The following ZNF683 variants were observed in gnomAD, a reference collection of about 807,000 sequenced individuals.
ZNF683 encodes tissue-resident T-cell transcription regulator protein ZNF683.
ZNF683 carries 20 observed loss-of-function variants against 31.4 expected under a neutral mutation model. The observed-to-expected ratio is 0.64, with a 90% CI of 0.45 to 0.93. The LOEUF (loss-of-function observed/expected upper bound fraction) is 0.93, where lower values mean the gene tolerates loss of function less well. Ranked by LOEUF, ZNF683 falls within the 40% of genes least tolerant of loss-of-function variation. ZNF683 has a pLI of 0.00. For synonymous variants in ZNF683, 264 were observed against 267.6 expected, an observed-to-expected ratio of 0.99 and a Z score of 0.13; for missense variants, 621 against 637.2, an observed-to-expected ratio of 0.97 and a Z score of 0.27.
rs142035628 is a variant in ZNF683, at chr1:26,372,726, T to C, written c.-72A>G. Reference sequence around the variant, plus strand: ...CTCTGGTCTGGGTCAAGGCATCTGCTCAGGTTCCTCAGTTAGAAGACCATG... The same window carrying C: ...CTCTGGTCTGGGTCAAGGCATCTGCCCAGGTTCCTCAGTTAGAAGACCATG... On this transcript the variant is annotated 5_prime_UTR_variant, in exon 1 of 6. Coordinates refer to ENST00000349618, the MANE Select transcript of ZNF683 (RefSeq NM_001114759.3). 8,889 of 1,234,570 alleles carry C rather than the reference T, an allele frequency of 7.2e-3. 38 individuals are homozygous for C. The highest frequency in any genetic ancestry group is 8.4e-3 in the Non-Finnish European group (8,097 of 961,150). The allele number at this position is 1,234,570 out of a possible 1,614,324, so 76.5% of individuals were successfully genotyped here. A position where few individuals can be genotyped will look rare whatever the true frequency, so the allele number is the denominator to read the frequency against.
In ZNF683 at chr1:26,363,457, C is replaced by T. The variant is rs181394461; in HGVS notation, c.1015-303G>A. On this transcript the variant is annotated intron_variant, in intron 4 of 5. Coordinates refer to ENST00000349618, the MANE Select transcript of ZNF683 (RefSeq NM_001114759.3). Reference sequence around the variant, plus strand: ...AGAAATGCAGGTTCTCAAGTCCGGCCCCAGACCTGCTGAATCAAAAACTCT... The same window carrying T: ...AGAAATGCAGGTTCTCAAGTCCGGCTCCAGACCTGCTGAATCAAAAACTCT... 1.7e-4 allele frequency among the ~76,000 whole-genome samples: 26 copies of T among 152,236 alleles called. No individual in the cohort carries two copies. The East Asian group carries it at 5.0e-3, about 29-fold the overall frequency.
chr1:26,372,685 T>C lies in ZNF683; in HGVS notation c.-31A>G, dbSNP rs2074697401. 1 of 1,286,202 alleles carries C rather than the reference T, an allele frequency of 7.8e-7. No individual in the cohort carries two copies. The highest frequency in any genetic ancestry group is 1.5e-5 in the African/African-American group (1 of 65,538). The allele number at this position is 1,286,202 out of a possible 1,614,324, so 79.7% of individuals were successfully genotyped here. On this transcript the variant is annotated 5_prime_UTR_variant, in exon 1 of 6. Coordinates refer to ENST00000349618, the MANE Select transcript of ZNF683 (RefSeq NM_001114759.3). ...CCAACCTACTCTGGTGATCATGGGC[T>C]TTCCTTGGCTTGGGTCTCTGGTCTG...
intron 3 of ZNF683, among the ~76,000 whole-genome samples, chr1:26,366,342 CAAAAAAAAAA>C (rs1173737722): frequency 1.4e-5 from 1 of 68,978 alleles, no homozygotes; most frequent in African/African-American, 4.7e-5. Context: ...CAGCCTATCT[CAAAAAAAAAA>C]AAAAAAAAAA....
At chr1:26,374,442 T>C (rs2074722692), upstream of ZNF683, 7 of 1,172,450 alleles carry the variant, frequency 6.0e-6, no homozygotes, top group Admixed American at 1.6e-4. Flanking sequence ...GGCTAGGAAA[T>C]GCCCCAGGAG....
rs757413694 is a variant in ZNF683 at position 26,368,535 on chromosome 1, G to T, written c.37C>A (p.His13Asn). 3.7e-6 allele frequency: 6 copies of T among 1,607,082 alleles called. No individual in the cohort carries two copies. In the South Asian group the frequency reaches 5.6e-5, roughly 15 times the overall value. ...GTACCTCCCAGGGCCATGGGCCTAT[G>T]ACAACAACCTAATTGTGCAGCTGAT... is the stretch of plus-strand genomic sequence containing the variant. ...EESAAQLGCC[H>N]RPMALGGTGG... Residue 13 changes from histidine (H) to asparagine (N), a missense_variant, in exon 2 of 6, where the codon CAT (histidine) becomes AAT (asparagine). Transcript: ENST00000349618.
chr1:26,366,291 A>T (rs2074519928), intron 3 of ZNF683, among the ~76,000 whole-genome samples: 1 of 140,276 alleles, frequency 7.1e-6, no homozygotes, highest in African/African-American at 2.6e-5. Context: ...TGAGCCCAGG[A>T]GTTGGAGGCT....
At chr1:26,365,406 G>T (rs1424042656) in intron 3 of ZNF683, among the ~76,000 whole-genome samples, 180 bp from the exon 4 acceptor site, 1 of 152,200 alleles carries the variant, frequency 6.6e-6, no homozygotes, top group Non-Finnish European at 1.5e-5. Context: ...AGACACCCAG[G>T]TTGAGAAGCC....
In ZNF683 at chr1:26,364,664, T is replaced by G; in HGVS notation, c.882A>C (p.Pro294=). The change falls in exon 4 of 6, where the codon CCA becomes CCC. Residue 294 remains proline, a synonymous_variant. Transcript: ENST00000349618. ...PGLERGGMAS[P]AKRVPLSSQT... is the part of the protein sequence containing the mutation. ...GGGAACTCAATGGGACCCGCTTTGC[T>G]GGAGATGCCATGCCACCACGCTCCA... 1 of 1,614,024 alleles carries G rather than the reference T, an allele frequency of 6.2e-7. No homozygotes were observed.
chr1:26,373,042 G>T (rs1408520012), upstream of ZNF683, among the ~76,000 whole-genome samples: 1 of 152,298 alleles, frequency 6.6e-6, no homozygotes, highest in East Asian at 1.9e-4. Context: ...GGGTACAAAA[G>T]CCCCAAGCAG....
intron 1 of ZNF683, among the ~76,000 whole-genome samples, chr1:26,371,030 C>G (rs182643892): frequency 3.8e-4 from 58 of 152,206 alleles, no homozygotes; most frequent in African/African-American, 1.4e-3. Context: ...GGCTCAAAGG[C>G]TGAACAGGGG....
intron 1 of ZNF683, among the ~76,000 whole-genome samples, chr1:26,368,898 G>A (rs1459098258): frequency 1.3e-5 from 2 of 151,930 alleles, no homozygotes; most frequent in Admixed American, 6.6e-5. Flanking sequence ...GATCTTTTGA[G>A]GCCAGGAGTT....
chr1:26,363,965 C>A (rs1318791430), intron 4 of ZNF683, among the ~76,000 whole-genome samples: 1 of 152,204 alleles, frequency 6.6e-6, no homozygotes, highest in Non-Finnish European at 1.5e-5. Context: ...CAGTTTCCGC[C>A]CTTTGCTAAC....
At chr1:26,366,226 G>A (rs1310571971) in intron 3 of ZNF683, among the ~76,000 whole-genome samples, 1 of 151,924 alleles carries the variant, frequency 6.6e-6, no homozygotes, top group African/African-American at 2.4e-5. Context: ...GGGTGTTTGT[G>A]GCATGTGTCT....
intron 1 of ZNF683, chr1:26,372,357 C>T (rs1235616976): frequency 7.4e-6 from 5 of 678,062 alleles, no homozygotes; most frequent in East Asian, 1.3e-4. Context: ...TTTTTTTGGA[C>T]GCCCAGCCTC....
rs1354144672 is a variant in ZNF683 at position 26,361,644 on chromosome 1, A to C, written c.*7T>G. 4 of 1,592,388 alleles carry C rather than the reference A, an allele frequency of 2.5e-6. No homozygotes were observed. Among genetic ancestry groups the C allele is most frequent in the Non-Finnish European group, 3.4e-6 (4 of 1,168,760 alleles). Reference sequence around the variant, plus strand: ...GGAAGCCTCAAAGCATGACAGAAGAAACATTTTTAATTGTTCTGGTCCTGC... The same window carrying C: ...GGAAGCCTCAAAGCATGACAGAAGACACATTTTTAATTGTTCTGGTCCTGC... On this transcript the variant is annotated 3_prime_UTR_variant, in exon 6 of 6. Coordinates refer to ENST00000349618, the MANE Select transcript of ZNF683 (RefSeq NM_001114759.3).
intron 5 of ZNF683, chr1:26,362,241 T>G (rs970735997): frequency 1.3e-6 from 2 of 1,490,570 alleles, no homozygotes; most frequent in Admixed American, 2.0e-5. Flanking sequence ...CTTGTAAAAG[T>G]AACTTCTCCT....
At chr1:26,362,634 G>A (rs549747485) in intron 5 of ZNF683, among the ~76,000 whole-genome samples, 141 of 152,218 alleles carry the variant, frequency 9.3e-4, no homozygotes, top group African/African-American at 3.3e-3. Flanking sequence ...CTGTAAAATG[G>A]GAAAGAACCC....
At chr1:26,369,203 C>T (rs1441006520) in intron 1 of ZNF683, among the ~76,000 whole-genome samples, 1 of 151,012 alleles carries the variant, frequency 6.6e-6, no homozygotes, top group Non-Finnish European at 1.5e-5. Context: ...CAAGATCGTG[C>T]CACTGCATTC....
chr1:26,364,880 C>G lies in ZNF683; in HGVS notation c.666G>C (p.Leu222=). ...TGGTGGGGTAGGAGGGGTCTTGGGGCAGCATGAGGAGGTGGGGACATTGGT... is the reference window on the plus strand; with the variant it reads ...TGGTGGGGTAGGAGGGGTCTTGGGGGAGCATGAGGAGGTGGGGACATTGGT... ...PSDQCPHLLM[L]PQDPSYPTMA... Residue 222 remains leucine (L), a synonymous_variant, in exon 4 of 6, where the codon CTG becomes CTC. Transcript: ENST00000349618. 1 of 1,547,246 alleles carries G rather than the reference C, an allele frequency of 6.5e-7. No individual in the cohort carries two copies. Among genetic ancestry groups the G allele is most frequent in the East Asian group, 2.3e-5 (1 of 44,390 alleles).
Sources: allele counts gnomAD v4.1 joint callset (sites outside exome capture counted in the v4.1 genomes callset), GRCh38; gene constraint gnomAD v4.1.1; transcripts MANE v1.5; gene names NCBI Gene and HGNC (gene_info 2026-07-23, HGNC 2026-07-21).